The following FBN2 variants were observed in gnomAD, a reference collection of about 807,000 sequenced individuals.
FBN2 encodes fibrillin-2.
A neutral mutation model predicts 355.6 loss-of-function variants in FBN2; 105 were observed. The observed-to-expected ratio is 0.30, with a 90% CI of 0.25 to 0.35. The LOEUF (loss-of-function observed/expected upper bound fraction) is 0.35. Among genes scored for constraint, FBN2 ranks in the 10% least tolerant of loss-of-function variants. FBN2 has a pLI of 1.00. For synonymous variants in FBN2, 1,350 were observed against 1,301.2 expected (o/e 1.04, Z -0.81); for missense variants, 3,280 against 3,758.7 (o/e 0.87, Z 3.33).
rs1195723105 is a variant in FBN2, at chr5:128,488,755, AT to A, written c.629-23835del. Among the ~76,000 whole-genome samples the A allele has an allele frequency of 4.1e-5, 6 of 147,454 alleles. No homozygotes were observed. The East Asian group carries it at 1.2e-3, about 30-fold the overall frequency. On this transcript the variant is annotated intron_variant, in intron 5 of 64. Transcript: ENST00000262464. ...TATGAGTGAGAACATGTGGTGTTTG[AT>A]TTTTTGTCCTTGCGATAGTTTACTG...
chr5:128,407,327 A>G (rs1464323786), intron 8 of FBN2, among the ~76,000 whole-genome samples: 1 of 152,198 alleles, frequency 6.6e-6, no homozygotes, highest in Non-Finnish European at 1.5e-5. Context: ...GGGCTATTAG[A>G]AGGACCATAT....
intron 5 of FBN2, among the ~76,000 whole-genome samples, chr5:128,488,005 T>C (rs547985143): frequency 6.6e-6 from 1 of 152,100 alleles, no homozygotes; most frequent in Non-Finnish European, 1.5e-5. Context: ...ACATAAAAAG[T>C]CATAGGAGTT....
intron 31 of FBN2, among the ~76,000 whole-genome samples, chr5:128,333,758 T>C (rs1404356603): frequency 6.6e-6 from 1 of 151,748 alleles, no homozygotes; most frequent in Non-Finnish European, 1.5e-5. Flanking sequence ...CCTATGTAGA[T>C]TTGGTTCTCC....
chr5:128,483,553 G>T (rs1203804121), intron 5 of FBN2, among the ~76,000 whole-genome samples: 3 of 151,850 alleles, frequency 2.0e-5, no homozygotes, highest in Non-Finnish European at 4.4e-5. Flanking sequence ...AAAGCAAACT[G>T]TTAGATTTGG....
Position 128,537,382 on chromosome 5 carries a change from G to T in FBN2, c.222C>A (p.Val74=). ...REEGAAVASR[V]RRRGQQDVLR... ...GCACGTCCTGCTGTCCTCGCCGGCG[G>T]ACGCGGCTGGCCACTGCGGCACCCT... is the stretch of plus-strand genomic sequence containing the variant. The change falls in exon 1 of 65, where the codon GTC becomes GTA. Residue 74 remains valine (V), a synonymous_variant. Coordinates refer to ENST00000262464, the MANE Select transcript of FBN2 (RefSeq NM_001999.4). 6.2e-7 allele frequency: 1 copy of T among 1,610,514 alleles called. No homozygotes were observed. The highest frequency in any genetic ancestry group is 8.5e-7 in the Non-Finnish European group (1 of 1,179,688).
intron 27 of FBN2, 62 bp from the exon 28 acceptor site, chr5:128,336,175 G>C: frequency 6.4e-7 from 1 of 1,558,960 alleles, no homozygotes; most frequent in Non-Finnish European, 8.8e-7. Context: ...CCATCAGAAA[G>C]GTGCTTCACC....
At chr5:128,418,986 T>TAA (rs1753276118) in intron 7 of FBN2, among the ~76,000 whole-genome samples, 1 of 152,206 alleles carries the variant, frequency 6.6e-6, no homozygotes, top group African/African-American at 2.4e-5. Context: ...AAGCATGGTG[T>TAA]ATATTTGTTT....
intron 33 of FBN2, 142 bp from the exon 34 acceptor site, chr5:128,328,963 G>A: frequency 1.2e-6 from 1 of 837,338 alleles, no homozygotes; most frequent in Admixed American, 2.0e-5. Flanking sequence ...TTCACTTAAA[G>A]GAGGGTATCA....
At chr5:128,327,988 C>G (rs1750600096) in intron 34 of FBN2, 1 of 152,850 alleles carries the variant, frequency 6.5e-6, no homozygotes, top group Non-Finnish European at 1.5e-5. Flanking sequence ...TCTACTGAAG[C>G]CCTATGGTGT....
intron 20 of FBN2, among the ~76,000 whole-genome samples, chr5:128,352,304 A>C: frequency 6.6e-6 from 1 of 152,226 alleles, no homozygotes; most frequent in Non-Finnish European, 1.5e-5. Flanking sequence ...AGTATGAGGA[A>C]GATGTAAAAA....
chr5:128,376,623 A>T, intron 14 of FBN2, 108 bp downstream of exon 14: 1 of 1,320,346 alleles, frequency 7.6e-7, no homozygotes. Context: ...AGAAATGTGA[A>T]TAATATGAAA....
At chr5:128,481,181 A>G (rs962083365) in intron 5 of FBN2, among the ~76,000 whole-genome samples, 4 of 41,122 alleles carry the variant, frequency 9.7e-5, no homozygotes, top group South Asian at 1.4e-3. Flanking sequence ...TTACTCAGGG[A>G]AAAAAAAAAA....
At chr5:128,395,752 C>T (rs1752634312) in intron 8 of FBN2, among the ~76,000 whole-genome samples, 2 of 152,178 alleles carry the variant, frequency 1.3e-5, no homozygotes. Context: ...GAATGTGCTT[C>T]ATGTGTGTGA....
chr5:128,334,927 T>G (rs1750795715), intron 30 of FBN2, 83 bp from the exon 31 acceptor site: 1 of 1,306,894 alleles, frequency 7.7e-7, no homozygotes, highest in Non-Finnish European at 1.1e-6. Context: ...AGCATAATAC[T>G]GAAATACACA....
At chr5:128,343,924 G>C (rs1049441531) in intron 25 of FBN2, among the ~76,000 whole-genome samples, 1 of 152,128 alleles carries the variant, frequency 6.6e-6, no homozygotes, top group African/African-American at 2.4e-5. Context: ...TAAGTGTAGA[G>C]AAAAGAAATT....
At chr5:128,358,107 A>G (rs1204472603) in intron 19 of FBN2, among the ~76,000 whole-genome samples, 1 of 152,186 alleles carries the variant, frequency 6.6e-6, no homozygotes, top group Non-Finnish European at 1.5e-5. Flanking sequence ...GATGGTCAGA[A>G]GTAAGCAGAA....
rs1752995711 is a variant in FBN2 at position 128,408,804 on chromosome 5, T to C, written c.953-5A>G. 1 of 1,613,780 alleles carries C rather than the reference T, an allele frequency of 6.2e-7. No homozygotes were observed. On this transcript the variant is annotated splice_polypyrimidine_tract_variant and splice_region_variant and intron_variant, in intron 7 of 64. Transcript: ENST00000262464. ...TGATGCTGCACTCATCAATGTCTAA[T>C]CAAGGGAAGAAGGAGAAGATGATTG...
intron 42 of FBN2, among the ~76,000 whole-genome samples, chr5:128,306,318 A>G (rs1176026633): frequency 1.3e-5 from 2 of 152,070 alleles, no homozygotes; most frequent in Non-Finnish European, 1.5e-5. Flanking sequence ...CATAATGGAG[A>G]CTTAAAATTA....
chr5:128,347,520 G>A (rs255691), intron 23 of FBN2, among the ~76,000 whole-genome samples: 31,713 of 151,982 alleles, frequency 0.21, 3,403 homozygotes, highest in African/African-American at 0.23. Flanking sequence ...CTGTTGTCGC[G>A]TCACTCATTT....
Sources: allele counts gnomAD v4.1 joint callset (sites outside exome capture counted in the v4.1 genomes callset), GRCh38; gene constraint gnomAD v4.1.1; transcripts MANE v1.5; gene names NCBI Gene and HGNC (gene_info 2026-07-23, HGNC 2026-07-21).